KIF26B: variants seen among roughly 807,000 people sequenced by gnomAD.
KIF26B encodes kinesin family member 26B, also known as kinesin-like protein KIF26B.
A neutral mutation model predicts 151.2 loss-of-function variants in KIF26B; 63 were observed. That is an observed-to-expected ratio of 0.42 (90% CI 0.34 to 0.51). The LOEUF is 0.51. Ranked by LOEUF, KIF26B falls within the 20% of genes least tolerant of loss-of-function variation. The pLI, the probability that KIF26B is intolerant of heterozygous loss-of-function variation, is 0.07. For synonymous variants in KIF26B, 1,357 were observed against 1,262.1 expected, an observed-to-expected ratio of 1.08 and a Z score of -1.59; for missense variants, 2,813 against 2,913.6, an observed-to-expected ratio of 0.97 and a Z score of 0.79.
intron 2 of KIF26B, among the ~76,000 whole-genome samples, chr1:245,268,531 A>ATTTT (rs1558368667): frequency 1.4e-5 from 2 of 146,914 alleles, no homozygotes; most frequent in Non-Finnish European, 3.0e-5. Flanking sequence ...TTTTTTTTTA[A>ATTTT]AAATTGGGAT....
intron 4 of KIF26B, among the ~76,000 whole-genome samples, chr1:245,501,603 C>T (rs1419701981): frequency 6.6e-6 from 1 of 152,180 alleles, no homozygotes; most frequent in Non-Finnish European, 1.5e-5. Flanking sequence ...TAGTTTTTAT[C>T]CGCAGAGCAC....
At chr1:245,247,180 G>A (rs1209859127) in intron 2 of KIF26B, among the ~76,000 whole-genome samples, 1 of 152,046 alleles carries the variant, frequency 6.6e-6, no homozygotes, top group East Asian at 1.9e-4. Context: ...GCTGGGCATG[G>A]TGGCTCGTGC....
intron 2 of KIF26B, among the ~76,000 whole-genome samples, chr1:245,328,931 T>C (rs1212237321): frequency 1.3e-5 from 2 of 152,240 alleles, no homozygotes; most frequent in African/African-American, 4.8e-5. Context: ...CATTCTGTGA[T>C]TCATTGTGTG....
At chr1:245,276,197 T>C (rs1007971044) in intron 2 of KIF26B, among the ~76,000 whole-genome samples, 2 of 152,036 alleles carry the variant, frequency 1.3e-5, no homozygotes, top group African/African-American at 4.8e-5. Flanking sequence ...TAGCCAGGTG[T>C]GGTAGCAGGT....
chr1:245,616,700 T>C (rs533686360), intron 9 of KIF26B, among the ~76,000 whole-genome samples: 1 of 152,322 alleles, frequency 6.6e-6, no homozygotes, highest in African/African-American at 2.4e-5. Context: ...TTTCCCCTTG[T>C]GGCATCATAT....
chr1:245,164,689 G>C (rs1222877043), intron 2 of KIF26B, among the ~76,000 whole-genome samples: 1 of 152,218 alleles, frequency 6.6e-6, no homozygotes, highest in Non-Finnish European at 1.5e-5. Context: ...GAAAGGCCTT[G>C]TAGGCTATAG....
At chr1:245,438,237 C>T (rs1658980809) in intron 4 of KIF26B, among the ~76,000 whole-genome samples, 1 of 152,330 alleles carries the variant, frequency 6.6e-6, no homozygotes, top group East Asian at 1.9e-4. Context: ...CTCCTGTCCC[C>T]AACGGATTGC....
intron 4 of KIF26B, among the ~76,000 whole-genome samples, chr1:245,465,539 T>G (rs1244464715): frequency 6.6e-6 from 1 of 152,224 alleles, no homozygotes; most frequent in Non-Finnish European, 1.5e-5. Context: ...TTCCGGTTTT[T>G]GCTTTCCTCT....
chr1:245,314,737 C>T (rs1157044742), intron 2 of KIF26B, among the ~76,000 whole-genome samples: 1 of 152,148 alleles, frequency 6.6e-6, no homozygotes, highest in Non-Finnish European at 1.5e-5. Flanking sequence ...ATGGTGCCCT[C>T]CATTCGTCAG....
At chr1:245,474,656 G>C (rs192413668) in intron 4 of KIF26B, among the ~76,000 whole-genome samples, 1 of 149,908 alleles carries the variant, frequency 6.7e-6, no homozygotes, top group African/African-American at 2.5e-5. Flanking sequence ...CAGGTGATCC[G>C]CCTGCCTTGG....
intron 5 of KIF26B, among the ~76,000 whole-genome samples, chr1:245,574,568 G>A (rs2043097329): frequency 6.6e-6 from 1 of 152,184 alleles, no homozygotes; most frequent in Admixed American, 6.5e-5. Context: ...CAGGGCCGGT[G>A]TCTCCCCTGG....
intron 9 of KIF26B, among the ~76,000 whole-genome samples, chr1:245,627,056 A>G (rs1483206981): frequency 1.3e-5 from 2 of 152,104 alleles, no homozygotes; most frequent in East Asian, 3.9e-4. Context: ...AGATAGATTT[A>G]TCTGTAGGTT....
chr1:245,444,728 T>C (rs1659208733), intron 4 of KIF26B, among the ~76,000 whole-genome samples: 1 of 152,144 alleles, frequency 6.6e-6, no homozygotes, highest in Non-Finnish European at 1.5e-5. Context: ...GGGAAGTTTT[T>C]CCTACATAAA....
chr1:245,334,844 G>A (rs1469814081), intron 2 of KIF26B, among the ~76,000 whole-genome samples: 2 of 152,114 alleles, frequency 1.3e-5, no homozygotes, highest in African/African-American at 4.8e-5. Context: ...TGTACAGTAG[G>A]TATGACTGCC....
Position 245,355,619 on chromosome 1 carries a change from GAAGAAGA to G in KIF26B, c.466-11209_466-11203del, listed in dbSNP as rs1377394720. ...TCAAAAAAAAAAAAAAAAAGAAGAA[GAAGAAGA>G]AAGAATTTAAAAAACTTACCAGCGG... is the stretch of plus-strand genomic sequence containing the variant. On this transcript the variant is annotated intron_variant, in intron 2 of 14. Coordinates refer to ENST00000407071, the MANE Select transcript of KIF26B (RefSeq NM_018012.4). Among the ~76,000 whole-genome samples, 201 of 150,966 alleles carry G rather than the reference GAAGAAGA, an allele frequency of 1.3e-3. 1 individual carries two copies. The highest frequency in any genetic ancestry group is 4.7e-3 in the African/African-American group (195 of 41,130).
At chr1:245,398,508 AC>A (rs899691185) in intron 3 of KIF26B, among the ~76,000 whole-genome samples, 1 of 151,972 alleles carries the variant, frequency 6.6e-6, no homozygotes, top group Non-Finnish European at 1.5e-5. Context: ...TGATCCTGAG[AC>A]CCAGCACCCA....
intron 10 of KIF26B, among the ~76,000 whole-genome samples, chr1:245,682,017 C>T (rs911101176): frequency 5.3e-5 from 8 of 152,090 alleles, no homozygotes; most frequent in Admixed American, 1.3e-4. Context: ...CCGAGGCGGG[C>T]GGATCGCCTG....
intron 6 of KIF26B, among the ~76,000 whole-genome samples, chr1:245,603,706 G>A (rs566338816): frequency 6.6e-6 from 1 of 152,270 alleles, no homozygotes; most frequent in South Asian, 2.1e-4. Flanking sequence ...ATGCATGCAG[G>A]TCTCTGGAGG....
At chr1:245,387,605 A>T (rs572011747) in intron 3 of KIF26B, among the ~76,000 whole-genome samples, 1 of 152,112 alleles carries the variant, frequency 6.6e-6, no homozygotes, top group Non-Finnish European at 1.5e-5. Context: ...GGGCGGGAGG[A>T]TCGCTTGAGC....
Sources: allele counts gnomAD v4.1 joint callset (sites outside exome capture counted in the v4.1 genomes callset), GRCh38; gene constraint gnomAD v4.1.1; transcripts MANE v1.5; gene names NCBI Gene and HGNC (gene_info 2026-07-23, HGNC 2026-07-21).